POLR3E: variants seen among roughly 807,000 people sequenced by gnomAD.
POLR3E encodes the protein RNA polymerase III subunit E.
POLR3E carries 41 observed loss-of-function variants against 96.6 expected under a neutral mutation model. The ratio of observed to expected loss-of-function variants is 0.42; its 90% CI spans 0.33 to 0.55. The LOEUF (loss-of-function observed/expected upper bound fraction) is 0.55, where lower values mean the gene tolerates loss of function less well. Among genes scored for constraint, POLR3E ranks in the 20% least tolerant of loss-of-function variants. The pLI is 0.06. For missense variants in POLR3E, 849 were observed against 952.1 expected (o/e 0.89, Z 1.43); for synonymous variants, 396 against 383.6 (o/e 1.03, Z -0.38).
At chr16:22,305,474 A>G (rs1341357839) in intron 3 of POLR3E, 1 of 670,518 alleles carries the variant, frequency 1.5e-6, no homozygotes, top group Non-Finnish European at 2.8e-6. Context: ...ACTCCATCAC[A>G]CCATAGCTGC....
chr16:22,303,930 C>A (rs2048082305), intron 2 of POLR3E, among the ~76,000 whole-genome samples: 1 of 151,190 alleles, frequency 6.6e-6, no homozygotes, highest in Non-Finnish European at 1.5e-5. Context: ...TGTGCCTCAG[C>A]CTCCTGAGTA....
chr16:22,323,192 T>C (rs1231908024), intron 14 of POLR3E, among the ~76,000 whole-genome samples: 3 of 152,118 alleles, frequency 2.0e-5, no homozygotes, highest in African/African-American at 7.2e-5. Flanking sequence ...TTTAGAAATA[T>C]TGCCTTGGTT....
chr16:22,325,376 C>T (rs1445056858), intron 17 of POLR3E, 110 bp downstream of exon 17: 4 of 881,018 alleles, frequency 4.5e-6, no homozygotes, highest in African/African-American at 3.3e-5. Flanking sequence ...GGAGGGCTCT[C>T]ACCGTTCACC....
At chr16:22,329,403 A>T (rs1202363215) in intron 19 of POLR3E, among the ~76,000 whole-genome samples, 3 of 152,162 alleles carry the variant, frequency 2.0e-5, no homozygotes, top group African/African-American at 4.8e-5. Flanking sequence ...TGTGTGGTGT[A>T]GTCATGGACC....
chr16:22,299,158 C>T (rs2047968765), intron 1 of POLR3E: 3 of 401,034 alleles, frequency 7.5e-6, no homozygotes, highest in Admixed American at 3.1e-5. Flanking sequence ...CTCCTGCAGG[C>T]GGTGATGATA....
rs777734757 is a variant in POLR3E, at chr16:22,325,960, G to A, written c.1548G>A (p.Glu516=). The change falls in exon 18 of 21, where the codon GAG becomes GAA. Residue 516 remains glutamate, a synonymous_variant. Coordinates refer to ENST00000299853, the MANE Select transcript of POLR3E (RefSeq NM_018119.4). ...GEEDEEQEAE[E]EPMDTSPSGL... ...AGGACGAGGAGCAGGAGGCGGAGGA[G>A]GAGCCCATGGACACTTCCCCCAGCG... 1.3e-6 allele frequency: 2 copies of A among 1,591,722 alleles called. No homozygotes were observed. The highest frequency in any genetic ancestry group is 1.3e-5 in the African/African-American group (1 of 74,592).
At chr16:22,332,258 T>G in intron 20 of POLR3E, 73 bp downstream of exon 20, 5 of 1,401,126 alleles carry the variant, frequency 3.6e-6, no homozygotes, top group Non-Finnish European at 4.9e-6. Context: ...GAAGGGACTC[T>G]AGTGTCTTTG....
chr16:22,306,764 C>T (rs2048140913), intron 3 of POLR3E, among the ~76,000 whole-genome samples: 1 of 152,226 alleles, frequency 6.6e-6, no homozygotes, highest in Admixed American at 6.5e-5. Context: ...GCTGGGTCTG[C>T]GTTTAGCTTT....
At chr16:22,309,323 G>C in intron 5 of POLR3E, 105 bp from the exon 6 acceptor site, 1 of 917,116 alleles carries the variant, frequency 1.1e-6, no homozygotes, top group Non-Finnish European at 1.8e-6. Context: ...CTTGGTCCCT[G>C]GCTGTGGCAC....
chr16:22,307,153 T>C (rs2048150421), intron 3 of POLR3E, among the ~76,000 whole-genome samples: 1 of 152,132 alleles, frequency 6.6e-6, no homozygotes, highest in Non-Finnish European at 1.5e-5. Flanking sequence ...ATGCTTAGCC[T>C]CAGGGAGGCG....
At position 22,318,290 on chromosome 16, in the gene POLR3E, C is replaced by T. The variant is rs557374003; in HGVS notation, c.866-536C>T. ...TGTATTTTTAGTAGAGATGGGGTTT[C>T]GCCTTGTTGGCCAGGCTAGTCTCAA... On this transcript the variant is annotated intron_variant, in intron 12 of 20. Transcript: ENST00000299853. The surrounding 1 kb of genome is among the most constrained non-coding windows in gnomAD (Gnocchi z 5.0). Among the ~76,000 whole-genome samples the T allele has an allele frequency of 2.7e-4, 41 of 152,270 alleles. No homozygotes were observed. The highest frequency in any genetic ancestry group is 2.9e-4 in the Non-Finnish European group (20 of 68,022).
chr16:22,326,437 A>G (rs891984857), intron 18 of POLR3E, 159 bp downstream of exon 18: 8 of 671,498 alleles, frequency 1.2e-5, no homozygotes, highest in South Asian at 5.1e-5. Context: ...CTGAGGCTCT[A>G]TTCTCATGAA....
rs767964062 is a variant in POLR3E at position 22,318,748 on chromosome 16, G to T, written c.866-78G>T. The T allele has an allele frequency of 4.3e-5, 64 of 1,501,578 alleles. No individual in the cohort carries two copies. Among genetic ancestry groups the T allele is most frequent in the Non-Finnish European group, 5.3e-5 (58 of 1,099,696 alleles). 93.0% of individuals were successfully genotyped at this position (1,501,578 alleles called of 1,614,324 possible). A position where few individuals can be genotyped will look rare whatever the true frequency, so the allele number is the denominator to read the frequency against. ...TCTGGGGTTATTACATGAACTTGAA[G>T]CTATGCGGACTCTCGGTGGAGGGGA... is the stretch of plus-strand genomic sequence containing the variant. On this transcript the variant is annotated intron_variant, in intron 12 of 20. Transcript: ENST00000299853. The surrounding 1 kb of genome is among the most constrained non-coding windows in gnomAD (Gnocchi z 5.0).
intron 14 of POLR3E, among the ~76,000 whole-genome samples, chr16:22,323,249 C>A (rs1380249683): frequency 1.3e-5 from 2 of 152,126 alleles, no homozygotes; most frequent in African/African-American, 2.4e-5. Context: ...AATCTTGATG[C>A]TAGACAGATG....
At chr16:22,309,646 A>C in intron 6 of POLR3E, 136 bp downstream of exon 6, 1 of 722,872 alleles carries the variant, frequency 1.4e-6, no homozygotes, top group South Asian at 1.5e-5. Flanking sequence ...GCAGGTGTGG[A>C]AATAACAGAA....
chr16:22,305,121 A>G (rs745420928), intron 2 of POLR3E, 35 bp from the exon 3 acceptor site: 102 of 1,585,624 alleles, frequency 6.4e-5, no homozygotes, highest in Non-Finnish European at 8.8e-5. Flanking sequence ...CACTGTGTCC[A>G]GTCTCCCGGT....
chr16:22,314,622 G>A (rs1330751495), intron 8 of POLR3E, among the ~76,000 whole-genome samples: 4 of 152,158 alleles, frequency 2.6e-5, no homozygotes, highest in Non-Finnish European at 4.4e-5. Context: ...AATGCTACAC[G>A]TAGAATGATG....
chr16:22,331,877 T>TCTGTCTTG, intron 19 of POLR3E, 183 bp from the exon 20 acceptor site: 3 of 572,412 alleles, frequency 5.2e-6, no homozygotes, highest in South Asian at 4.2e-5. Flanking sequence ...TGTTTTTATT[T>TCTGTCTTG]CTGTACACTG....
At chr16:22,316,153 C>G (rs1315315505) in intron 9 of POLR3E, among the ~76,000 whole-genome samples, 3 of 152,174 alleles carry the variant, frequency 2.0e-5, no homozygotes, top group African/African-American at 7.2e-5. Context: ...AACTTCTAGA[C>G]ACTGCTGTTT....
Sources: allele counts gnomAD v4.1 joint callset (sites outside exome capture counted in the v4.1 genomes callset), GRCh38; gene constraint gnomAD v4.1.1; non-coding constraint Gnocchi (gnomAD v3.1); transcripts MANE v1.5; gene names NCBI Gene and HGNC (gene_info 2026-07-23, HGNC 2026-07-21).